The following SSUH2 variants were observed in gnomAD, a reference collection of about 807,000 sequenced individuals.
SSUH2 encodes the protein ssu-2 homolog.
A neutral mutation model predicts 55.3 loss-of-function variants in SSUH2; 47 were observed. That is an observed-to-expected ratio of 0.85 (90% confidence interval 0.67 to 1.08). SSUH2 has a LOEUF of 1.08. Ranked by LOEUF, SSUH2 falls within the 50% of genes least tolerant of loss-of-function variation. The pLI is 0.00. For synonymous variants in SSUH2, 212 were observed against 191.5 expected (o/e 1.11, Z -0.89); for missense variants, 535 against 490.7 (o/e 1.09, Z -0.85).
chr3:8,651,301 C>T (rs376650055), intron 7 of SSUH2, among the ~76,000 whole-genome samples: 2 of 152,260 alleles, frequency 1.3e-5, no homozygotes, highest in Middle Eastern at 3.4e-3. Context: ...TCTCAGCAAG[C>T]GGGGAGGCAA....
rs1305371716 is a variant in SSUH2 at position 8,632,051 on chromosome 3, G to A, written c.398C>T (p.Thr133Ile). The stretch of plus-strand genomic sequence containing the variant: ...CTAATTTCAGACAATTCACTTACTA[G>A]TAAAGGGTTGAAATGTCCACTCGCT... ...RISEWTFQPF[T>I]NHSVDGPQRG... is the part of the protein sequence containing the mutation. Residue 133 changes from threonine to isoleucine, a missense_variant and splice_region_variant, in exon 5 of 12, where the codon ACT (threonine) becomes ATT (isoleucine). Transcript: ENST00000544814. 6 of 1,613,168 alleles carry A rather than the reference G, an allele frequency of 3.7e-6. No homozygotes were observed. The highest frequency in any genetic ancestry group is 1.3e-5 in the African/African-American group (1 of 74,864).
intron 2 of SSUH2, 145 bp from the exon 3 acceptor site, chr3:8,635,526 C>T (rs1575153731): frequency 1.4e-6 from 1 of 738,820 alleles, no homozygotes; most frequent in Non-Finnish European, 2.2e-6. Flanking sequence ...ATGGGGACTC[C>T]AAGACCAGCA....
At chr3:8,679,292 G>A (rs1230798978) in intron 2 of SSUH2, among the ~76,000 whole-genome samples, 3 of 75,240 alleles carry the variant, frequency 4.0e-5, no homozygotes, top group South Asian at 1.0e-3. Context: ...GAGGGGGGGA[G>A]CCACCCCCCA....
chr3:8,628,702 C>G (rs1323456855), intron 7 of SSUH2, among the ~76,000 whole-genome samples: 1 of 152,190 alleles, frequency 6.6e-6, no homozygotes, highest in East Asian at 1.9e-4. Context: ...CCAAGGAACA[C>G]CAAGGACGGC....
At chr3:8,620,308 A>G (rs1696150222) in intron 11 of SSUH2, among the ~76,000 whole-genome samples, 1 of 152,148 alleles carries the variant, frequency 6.6e-6, no homozygotes, top group Admixed American at 6.5e-5. Context: ...TATAAAAGGC[A>G]GTTCTCCTGC....
chr3:8,677,753 T>G (rs11705872), intron 2 of SSUH2, among the ~76,000 whole-genome samples: 11,684 of 150,436 alleles, frequency 0.078, 945 homozygotes, highest in South Asian at 0.13. Context: ...AAGAAGCAAA[T>G]AAGCTGACTC....
At chr3:8,675,905 C>G (rs569053925) in intron 3 of SSUH2, among the ~76,000 whole-genome samples, 1 of 152,266 alleles carries the variant, frequency 6.6e-6, no homozygotes, top group Admixed American at 6.5e-5. Flanking sequence ...ACTTTTAACC[C>G]AAACTGTGGG....
At chr3:8,674,895 T>C (rs1226854141) in intron 3 of SSUH2, among the ~76,000 whole-genome samples, 1 of 152,016 alleles carries the variant, frequency 6.6e-6, no homozygotes, top group African/African-American at 2.4e-5. Context: ...CCCTCTGGGA[T>C]TGGCCAGTTA....
intron 10 of SSUH2, among the ~76,000 whole-genome samples, chr3:8,624,933 A>G (rs1425036681): frequency 3.3e-5 from 5 of 151,900 alleles, no homozygotes; most frequent in East Asian, 2.0e-4. Flanking sequence ...CCACTCCCCA[A>G]TTGCCCTGCA....
upstream of SSUH2, among the ~76,000 whole-genome samples, chr3:8,646,471 T>C (rs1701691335): frequency 6.6e-6 from 1 of 152,092 alleles, no homozygotes; most frequent in East Asian, 1.9e-4. Context: ...GCCGCAAAAA[T>C]GCAGACAACG....
intron 6 of SSUH2, among the ~76,000 whole-genome samples, chr3:8,659,989 G>A (rs1703315502): frequency 6.6e-6 from 1 of 152,170 alleles, no homozygotes; most frequent in Non-Finnish European, 1.5e-5. Context: ...CCTAACACAT[G>A]TCCTCTAGGG....
chr3:8,679,253 T>G lies in SSUH2; in HGVS notation c.-901+452A>C, dbSNP rs1278595856. Reference sequence around the variant, plus strand: ...GAGCGGGGACTGAGAGCCAGCCAATTTTCCCCCTGGCTTTTAGGACCCCCA... The same window carrying G: ...GAGCGGGGACTGAGAGCCAGCCAATGTTCCCCCTGGCTTTTAGGACCCCCA... On this transcript the variant is annotated intron_variant, in intron 2 of 18. Transcript: ENST00000317371. Among the ~76,000 whole-genome samples, 35 of 69,262 alleles carry G rather than the reference T, an allele frequency of 5.1e-4. 10 individuals are homozygous for G. In the South Asian group the frequency reaches 0.017, roughly 34 times the overall value. 45.4% of individuals were successfully genotyped at this position (69,262 alleles called of 152,430 possible).
rs760453057 is a variant in SSUH2 at position 8,630,800 on chromosome 3, A to C, written c.525+5T>G. On this transcript the variant is annotated splice_donor_5th_base_variant and intron_variant, in intron 6 of 11. Coordinates refer to ENST00000544814, the MANE Select transcript of SSUH2 (RefSeq NM_001256748.3). ...GTATTCCAGTAATCGCGTTAATCGT[A>C]TTACCTTGACCAGTGACGAGTGAGG... 1 of 1,420,078 alleles carries C rather than the reference A, an allele frequency of 7.0e-7. No homozygotes were observed. The highest frequency in any genetic ancestry group is 1.8e-5 in the South Asian group (1 of 57,110). The allele number at this position is 1,420,078 out of a possible 1,614,324, so 88.0% of individuals were successfully genotyped here. A position where few individuals can be genotyped will look rare whatever the true frequency, so the allele number is the denominator to read the frequency against.
upstream of SSUH2, among the ~76,000 whole-genome samples, chr3:8,646,166 A>G (rs1418186831): frequency 8.5e-5 from 13 of 152,062 alleles, no homozygotes; most frequent in Non-Finnish European, 1.5e-4. Flanking sequence ...CTGCGTGTAT[A>G]TTTTACCCTA....
intron 2 of SSUH2, among the ~76,000 whole-genome samples, chr3:8,678,883 C>A (rs1272851931): frequency 1.7e-5 from 2 of 115,256 alleles, no homozygotes; most frequent in African/African-American, 3.0e-5. Context: ...TTAGGATCCC[C>A]ATTGCAAGGG....
intron 1 of SSUH2, chr3:8,639,937 A>G: frequency 1.0e-6 from 1 of 984,558 alleles, no homozygotes; most frequent in South Asian, 4.7e-5. Flanking sequence ...TTAGGGGAAC[A>G]GCAAACCTAC....
At chr3:8,662,925 TTCCAAA>T (rs1346225566) in intron 6 of SSUH2, among the ~76,000 whole-genome samples, 1 of 152,252 alleles carries the variant, frequency 6.6e-6, no homozygotes, top group Non-Finnish European at 1.5e-5. Flanking sequence ...TTTGGAATTT[TTCCAAA>T]TGCAAAATAA....
At chr3:8,674,709 G>T (rs1705030487) in intron 3 of SSUH2, among the ~76,000 whole-genome samples, 1 of 152,150 alleles carries the variant, frequency 6.6e-6, no homozygotes, top group African/African-American at 2.4e-5. Flanking sequence ...CAAGCTGAGA[G>T]CCACTACCTC....
At chr3:8,641,176 C>T (rs927785548) in intron 1 of SSUH2, among the ~76,000 whole-genome samples, 1 of 152,170 alleles carries the variant, frequency 6.6e-6, no homozygotes, top group Admixed American at 6.5e-5. Flanking sequence ...TGCCCCTTGG[C>T]ACTCCACTCC....
Sources: gnomAD v4.1 joint callset for allele counts (sites outside exome capture counted in the v4.1 genomes callset) on GRCh38, gnomAD v4.1.1 for gene constraint, MANE v1.5 for transcripts, NCBI Gene and HGNC (gene_info 2026-07-23, HGNC 2026-07-21) for gene names.